DNAJB6: variants seen among roughly 807,000 people sequenced by gnomAD.
DNAJB6 encodes the protein DnaJ heat shock protein family (Hsp40) member B6, also known as dnaJ homolog subfamily B member 6.
Under a neutral mutation model 42.7 loss-of-function variants are expected in DNAJB6, and 16 were observed. The observed-to-expected ratio is 0.37, with a 90% CI of 0.25 to 0.57. The LOEUF (loss-of-function observed/expected upper bound fraction) is 0.57. Ranked by LOEUF, DNAJB6 falls within the 20% of genes least tolerant of loss-of-function variation. The probability of loss-of-function intolerance (pLI) is 0.74; values close to 1 mark genes in which losing one functional copy is unlikely to be tolerated. For synonymous variants in DNAJB6, 170 were observed against 163.5 expected (o/e 1.04, Z -0.30); for missense variants, 347 against 416.8 (o/e 0.83, Z 1.46).
At chr7:157,392,308 A>T (rs1355321217) in intron 8 of DNAJB6, among the ~76,000 whole-genome samples, 1 of 148,416 alleles carries the variant, frequency 6.7e-6, no homozygotes, top group Non-Finnish European at 1.5e-5. Context: ...ATTTTATAGG[A>T]GCCCTTTACA....
chr7:157,356,905 G>T (rs528043098), intron 1 of DNAJB6, among the ~76,000 whole-genome samples: 1 of 152,096 alleles, frequency 6.6e-6, no homozygotes, highest in Admixed American at 6.5e-5. Context: ...TTTGATGTTA[G>T]TCATTCTGTC....
chr7:157,400,714 C>T (rs118052575), intron 8 of DNAJB6, among the ~76,000 whole-genome samples: 3,755 of 152,178 alleles, frequency 0.025, 61 homozygotes, highest in Non-Finnish European at 0.039. Flanking sequence ...GGGTGGAAGT[C>T]GAGGGTGTTG....
rs1801372308 is a variant in DNAJB6 at position 157,392,099 on chromosome 7, C to CCA, written c.691+6488_691+6489insCA. 3.6e-5 allele frequency among the ~76,000 whole-genome samples: 4 copies of CCA among 112,246 alleles called. No individual in the cohort carries two copies. The Admixed American group carries it at 4.0e-4, about 11-fold the overall frequency. 73.6% of individuals were successfully genotyped at this position (112,246 alleles called of 152,430 possible). ...CCTGGGCAACAAGGAGACCCTGTCT[C>CCA]AAAAAAAAAAAAAAAAAAGGATAGT... On this transcript the variant is annotated intron_variant, in intron 8 of 9. Coordinates refer to ENST00000262177, the MANE Select transcript of DNAJB6 (RefSeq NM_058246.4).
intron 8 of DNAJB6, among the ~76,000 whole-genome samples, chr7:157,389,887 C>G (rs558223890): frequency 3.9e-5 from 6 of 152,318 alleles, no homozygotes; most frequent in African/African-American, 1.4e-4. Context: ...CCTAACTGTT[C>G]ACTAAGGACT....
At chr7:157,411,972 T>C (rs928191698) in intron 9 of DNAJB6, 3 of 152,260 alleles carry the variant, frequency 2.0e-5, no homozygotes, top group Admixed American at 6.5e-5. Flanking sequence ...ATGGCTTTTG[T>C]TTCTGCCCGG....
At chr7:157,350,517 G>A (rs948414834) in intron 1 of DNAJB6, among the ~76,000 whole-genome samples, 3 of 152,090 alleles carry the variant, frequency 2.0e-5, no homozygotes, top group African/African-American at 7.2e-5. Flanking sequence ...AATGAGTTCC[G>A]GTCACTGGCG....
At chr7:157,339,487 A>G (rs1430391274) in intron 1 of DNAJB6, among the ~76,000 whole-genome samples, 1 of 150,148 alleles carries the variant, frequency 6.7e-6, no homozygotes, top group Non-Finnish European at 1.5e-5. Context: ...TTTTTAGTAG[A>G]GACGGGGTTT....
chr7:157,369,154 A>G (rs1347941097), intron 5 of DNAJB6: 2 of 393,312 alleles, frequency 5.1e-6, no homozygotes, highest in African/African-American at 4.2e-5. Flanking sequence ...TGGCGTGCTC[A>G]TCGTTTAAGT....
chr7:157,359,534 C>T (rs1799473484), intron 2 of DNAJB6, among the ~76,000 whole-genome samples: 1 of 151,948 alleles, frequency 6.6e-6, no homozygotes, highest in East Asian at 1.9e-4. Flanking sequence ...TTTTAAAATG[C>T]TAAATTACGG....
chr7:157,364,294 C>G (rs1799744703), intron 3 of DNAJB6, among the ~76,000 whole-genome samples: 1 of 152,066 alleles, frequency 6.6e-6, no homozygotes, highest in Non-Finnish European at 1.5e-5. Context: ...GCCTTGCTTT[C>G]TCTGGTGACA....
At chr7:157,415,304 G>C (rs554497732) in intron 9 of DNAJB6, 1 of 152,246 alleles carries the variant, frequency 6.6e-6, no homozygotes, top group Non-Finnish European at 1.5e-5. Flanking sequence ...TCAGAGGGTG[G>C]GCGTCTTTCT....
chr7:157,347,889 G>C (rs565203187), intron 1 of DNAJB6, among the ~76,000 whole-genome samples: 1 of 152,042 alleles, frequency 6.6e-6, no homozygotes, highest in African/African-American at 2.4e-5. Flanking sequence ...TCTGCCTCCC[G>C]GGCTCAAGCG....
intron 5 of DNAJB6, chr7:157,381,773 T>TGTGTGTGTGTGG (rs893272157): frequency 2.7e-5 from 4 of 150,306 alleles, no homozygotes; most frequent in Non-Finnish European, 5.8e-5. Context: ...TGTGTGTGTG[T>TGTGTGTGTGTGG]GTGGGCGCGC....
At chr7:157,385,657 G>T (rs200846260) in intron 8 of DNAJB6, 46 bp downstream of exon 8, 1 of 1,608,970 alleles carries the variant, frequency 6.2e-7, no homozygotes, top group Non-Finnish European at 8.5e-7. Flanking sequence ...TTCAACGCAC[G>T]CACTTAACAG....
Position 157,356,518 on chromosome 7 carries a change from G to A in DNAJB6, c.-26-2029G>A, listed in dbSNP as rs190517688. 8.5e-5 allele frequency among the ~76,000 whole-genome samples: 13 copies of A among 152,244 alleles called. No individual in the cohort carries two copies. The East Asian group carries it at 2.3e-3, about 27-fold the overall frequency. On this transcript the variant is annotated intron_variant, in intron 1 of 9. Coordinates refer to ENST00000262177, the MANE Select transcript of DNAJB6 (RefSeq NM_058246.4). ...GTTGCCATGTCATTCTAACTACCAG[G>A]GAGGAAATCTTTCATAACTAGGGGT...
At chr7:157,397,167 C>CT (rs1240617901) in intron 8 of DNAJB6, among the ~76,000 whole-genome samples, 2 of 152,242 alleles carry the variant, frequency 1.3e-5, no homozygotes, top group African/African-American at 4.8e-5. Flanking sequence ...GCGTCTGTAG[C>CT]TACCCCTTGA....
rs190028439 is a variant in DNAJB6 at position 157,337,068 on chromosome 7, C to G, written c.-103C>G. On this transcript the variant is annotated 5_prime_UTR_variant, in exon 1 of 10. Transcript: ENST00000262177. ...GGAGCCGCCGCCACCACCAGCGCAG[C>G]AGTCCTGGAGCTGTGAGGAGATTCG... 1.3e-5 allele frequency: 2 copies of G among 152,576 alleles called. No homozygotes were observed. The highest frequency in any genetic ancestry group is 6.5e-5 in the Admixed American group (1 of 15,288). 9.5% of individuals were successfully genotyped at this position (152,576 alleles called of 1,614,324 possible).
At position 157,339,344 on chromosome 7, in the gene DNAJB6, A is replaced by G. The variant is rs1318597401; in HGVS notation, c.-27+2200A>G. Among the ~76,000 whole-genome samples, 4 of 123,766 alleles carry G rather than the reference A, an allele frequency of 3.2e-5. 1 individual carries two copies. The South Asian group carries it at 7.5e-4, about 23-fold the overall frequency. The allele number at this position is 123,766 out of a possible 152,430, so 81.2% of individuals were successfully genotyped here. A position where few individuals can be genotyped will look rare whatever the true frequency, so the allele number is the denominator to read the frequency against. ...AGTCTTGCTCTGTCGCCCAGGCCGTAATTAATGCGGTGGCGCGATCTCGGC... is the reference window on the plus strand; with the variant it reads ...AGTCTTGCTCTGTCGCCCAGGCCGTGATTAATGCGGTGGCGCGATCTCGGC... On this transcript the variant is annotated intron_variant, in intron 1 of 9. Transcript: ENST00000262177.
intron 1 of DNAJB6, among the ~76,000 whole-genome samples, chr7:157,353,361 A>C (rs1043800962): frequency 1.3e-5 from 2 of 152,096 alleles, no homozygotes; most frequent in African/African-American, 4.8e-5. Flanking sequence ...CATTCACCCA[A>C]CTTCCCTTAA....
Sources: gnomAD v4.1 joint callset for allele counts (sites outside exome capture counted in the v4.1 genomes callset) on GRCh38, gnomAD v4.1.1 for gene constraint, MANE v1.5 for transcripts, NCBI Gene and HGNC (gene_info 2026-07-23, HGNC 2026-07-21) for gene names.